The following CLEC2D variants were observed in gnomAD, a reference collection of about 807,000 sequenced individuals.
CLEC2D encodes the protein C-type lectin domain family 2 member D, also known as C-type lectin related f.
In CLEC2D, 16 loss-of-function variants were observed where a neutral mutation model predicts 20.0. The observed-to-expected ratio is 0.80, with a 90% CI of 0.54 to 1.22. The LOEUF is 1.22. Among genes scored for constraint, CLEC2D ranks in the 50% most tolerant of loss-of-function variants. The pLI, the probability that CLEC2D is intolerant of heterozygous loss-of-function variation, is 0.00. For missense variants in CLEC2D, 207 were observed against 221.5 expected, an observed-to-expected ratio of 0.93 and a Z score of 0.42; for synonymous variants, 77 against 71.1, an observed-to-expected ratio of 1.08 and a Z score of -0.42.
chr12:9,692,132 G>T (rs919372116), intron 3 of CLEC2D, among the ~76,000 whole-genome samples: 7 of 151,128 alleles, frequency 4.6e-5, no homozygotes, highest in African/African-American at 1.7e-4. Flanking sequence ...TCTTTCGTTC[G>T]TTCGTTCGTT....
intron 3 of CLEC2D, among the ~76,000 whole-genome samples, chr12:9,692,012 AAC>A (rs1454160554): frequency 1.3e-5 from 2 of 152,238 alleles, no homozygotes; most frequent in African/African-American, 4.8e-5. Flanking sequence ...TTGACAAGGA[AAC>A]ACAGCAAAGG....
chr12:9,694,071 C>A (rs536915340), intron 4 of CLEC2D: 4 of 181,744 alleles, frequency 2.2e-5, no homozygotes, highest in Non-Finnish European at 4.7e-5. Flanking sequence ...ACCTCGGCCT[C>A]CCAAAATGTT....
chr12:9,672,555 C>G (rs1865445671), intron 1 of CLEC2D, among the ~76,000 whole-genome samples: 1 of 152,116 alleles, frequency 6.6e-6, no homozygotes, highest in Non-Finnish European at 1.5e-5. Context: ...TTGATCTACT[C>G]ATGAAGTATC....
rs1866067628 is a variant in CLEC2D, at chr12:9,699,108, A to G, written c.*4234A>G. 2 of 152,120 alleles carry G rather than the reference A, an allele frequency of 1.3e-5. No homozygotes were observed. Among genetic ancestry groups the G allele is most frequent in the Non-Finnish European group, 2.9e-5 (2 of 68,022 alleles). 9.4% of individuals were successfully genotyped at this position (152,120 alleles called of 1,614,324 possible). ...CATTTATGTGATCTTCACCCCATTA[A>G]GTTCTCCCCAAATTATTTACTCTTC... On this transcript the variant is annotated 3_prime_UTR_variant, in exon 5 of 5. Transcript: ENST00000290855.
chr12:9,683,886 G>GT (rs149143626), intron 2 of CLEC2D, among the ~76,000 whole-genome samples: 65,056 of 147,310 alleles, frequency 0.44, 15,137 homozygotes, highest in East Asian at 0.62. Context: ...GAAATTTAAA[G>GT]TTTTTTTTTT....
intron 1 of CLEC2D, among the ~76,000 whole-genome samples, chr12:9,675,242 G>A (rs1263663498): frequency 1.3e-5 from 2 of 149,834 alleles, no homozygotes; most frequent in East Asian, 1.9e-4. Flanking sequence ...TGCCCAGGCC[G>A]GAGTGCAGTG....
Position 9,699,321 on chromosome 12 carries a change from CTT to C in CLEC2D, c.*4450_*4451del, listed in dbSNP as rs1238470026. ...GGCAAGTTATCAGCATATTTTTTAA[CTT>C]TTAATTATTCTTAATGGAAAGACAC... On this transcript the variant is annotated 3_prime_UTR_variant, in exon 5 of 5. Transcript: ENST00000290855. 2 of 152,142 alleles carry C rather than the reference CTT, an allele frequency of 1.3e-5. No individual in the cohort carries two copies. Among genetic ancestry groups the C allele is most frequent in the African/African-American group, 2.4e-5 (1 of 41,432 alleles). The allele number at this position is 152,142 out of a possible 1,614,324, so 9.4% of individuals were successfully genotyped here. A position where few individuals can be genotyped will look rare whatever the true frequency, so the allele number is the denominator to read the frequency against.
rs1430842854 is a variant in CLEC2D at position 9,699,481 on chromosome 12, C to T, written c.*4607C>T. ...TCATTGAAATAGAATGAAAAGGTTGCACAATATTATTTTCATGAAATTACT... is the reference window on the plus strand; with the variant it reads ...TCATTGAAATAGAATGAAAAGGTTGTACAATATTATTTTCATGAAATTACT... On this transcript the variant is annotated 3_prime_UTR_variant, in exon 5 of 5. Coordinates refer to ENST00000290855, the MANE Select transcript of CLEC2D (RefSeq NM_013269.6). 3.9e-5 allele frequency: 6 copies of T among 152,102 alleles called. No individual in the cohort carries two copies. In the East Asian group the frequency reaches 1.2e-3, roughly 29 times the overall value. The allele number at this position is 152,102 out of a possible 1,614,324, so 9.4% of individuals were successfully genotyped here.
chr12:9,688,640 A>T (rs1865804111), intron 3 of CLEC2D, among the ~76,000 whole-genome samples: 1 of 152,132 alleles, frequency 6.6e-6, no homozygotes, highest in South Asian at 2.1e-4. Flanking sequence ...AATTGCTTGA[A>T]CCTGGGAGGT....
chr12:9,698,765 A>G lies in CLEC2D; in HGVS notation c.*3891A>G, dbSNP rs1310053463. 6.6e-6 allele frequency: 1 copy of G among 152,226 alleles called. No individual in the cohort carries two copies. Among genetic ancestry groups the G allele is most frequent in the East Asian group, 1.9e-4 (1 of 5,200 alleles). The allele number at this position is 152,226 out of a possible 1,614,324, so 9.4% of individuals were successfully genotyped here. A position where few individuals can be genotyped will look rare whatever the true frequency, so the allele number is the denominator to read the frequency against. ...TATTTCCAAACTATTGTTGGGGCTC[A>G]GAAACGGATACCCTAACATATAGTG... On this transcript the variant is annotated 3_prime_UTR_variant, in exon 5 of 5. Transcript: ENST00000290855.
intron 2 of CLEC2D, among the ~76,000 whole-genome samples, chr12:9,683,890 T>TG (rs1432986393): frequency 6.6e-6 from 1 of 151,832 alleles, no homozygotes; most frequent in Admixed American, 6.6e-5. Flanking sequence ...TTTAAAGTTT[T>TG]TTTTTTTTTA....
chr12:9,683,331 G>T (rs10844432), intron 2 of CLEC2D, among the ~76,000 whole-genome samples: 196 of 11,936 alleles, frequency 0.016, 26 homozygotes, highest in Non-Finnish European at 0.019. Flanking sequence ...TGTTTTTTGT[G>T]TTTGTTTTTT....
chr12:9,673,856 A>G (rs761339046), intron 1 of CLEC2D, among the ~76,000 whole-genome samples: 16 of 152,188 alleles, frequency 1.1e-4, no homozygotes, highest in Non-Finnish European at 1.6e-4. Context: ...ACTGTGGGAA[A>G]TCTGGCCCAG....
rs908326801 is a variant in CLEC2D at position 9,698,016 on chromosome 12, A to G, written c.*3142A>G. 6.6e-6 allele frequency: 1 copy of G among 152,194 alleles called. No homozygotes were observed. Among genetic ancestry groups the G allele is most frequent in the Non-Finnish European group, 1.5e-5 (1 of 68,034 alleles). 9.4% of individuals were successfully genotyped at this position (152,194 alleles called of 1,614,324 possible). On this transcript the variant is annotated 3_prime_UTR_variant, in exon 5 of 5. Transcript: ENST00000290855. Reference sequence around the variant, plus strand: ...AAACATCACATTATACACATCAAATATATACAATAAAAAAGCACATTGGGA... The same window carrying G: ...AAACATCACATTATACACATCAAATGTATACAATAAAAAAGCACATTGGGA...
intron 3 of CLEC2D, 108 bp from the exon 4 acceptor site, chr12:9,692,720 A>C (rs1865894118): frequency 4.4e-6 from 3 of 682,590 alleles, no homozygotes; most frequent in South Asian, 2.1e-5. Context: ...ATACAAAATC[A>C]AAAGGAAGAA....
At chr12:9,691,390 TGA>T (rs1394156123) in intron 3 of CLEC2D, among the ~76,000 whole-genome samples, 1 of 152,128 alleles carries the variant, frequency 6.6e-6, no homozygotes, top group Non-Finnish European at 1.5e-5. Flanking sequence ...ATAGAAAATT[TGA>T]ACAACACTAT....
Position 9,695,541 on chromosome 12 carries a change from A to G in CLEC2D, c.*667A>G. On this transcript the variant is annotated 3_prime_UTR_variant, in exon 5 of 5. Transcript: ENST00000290855. Reference sequence around the variant, plus strand: ...GAACGGTCAGCTCAGGGGCTGGTGCAAAGGATGAACTGCACATTGTTGAAG... The same window carrying G: ...GAACGGTCAGCTCAGGGGCTGGTGCGAAGGATGAACTGCACATTGTTGAAG... 3 of 1,302,728 alleles carry G rather than the reference A, an allele frequency of 2.3e-6. No individual in the cohort carries two copies. Among genetic ancestry groups the G allele is most frequent in the Non-Finnish European group, 3.3e-6 (3 of 912,390 alleles). The allele number at this position is 1,302,728 out of a possible 1,614,324, so 80.7% of individuals were successfully genotyped here.
At chr12:9,674,691 A>AAGTAATATGTAATG in intron 1 of CLEC2D, among the ~76,000 whole-genome samples, 1 of 152,242 alleles carries the variant, frequency 6.6e-6, no homozygotes, top group East Asian at 1.9e-4. Context: ...TGTAACACTT[A>AAGTAATATGTAATG]AGTAATATGT....
Position 9,699,160 on chromosome 12 carries a change from C to T in CLEC2D, c.*4286C>T, listed in dbSNP as rs1866068969. On this transcript the variant is annotated 3_prime_UTR_variant, in exon 5 of 5. Coordinates refer to ENST00000290855, the MANE Select transcript of CLEC2D (RefSeq NM_013269.6). ...CCCAAAATCACCCACACTTCCCCATCTCCCTCTCCCCTAAGGACAAGGGTA... is the reference window on the plus strand; with the variant it reads ...CCCAAAATCACCCACACTTCCCCATTTCCCTCTCCCCTAAGGACAAGGGTA... 6.6e-6 allele frequency: 1 copy of T among 152,220 alleles called. No homozygotes were observed. The highest frequency in any genetic ancestry group is 2.1e-4 in the South Asian group (1 of 4,826). The allele number at this position is 152,220 out of a possible 1,614,324, so 9.4% of individuals were successfully genotyped here.
Sources: allele counts gnomAD v4.1 joint callset (sites outside exome capture counted in the v4.1 genomes callset), GRCh38; gene constraint gnomAD v4.1.1; transcripts MANE v1.5; gene names NCBI Gene and HGNC (gene_info 2026-07-23, HGNC 2026-07-21).